SLC24A4: variants seen among roughly 807,000 people sequenced by gnomAD.
The protein encoded by SLC24A4 is solute carrier family 24 member 4, also known as sodium/potassium/calcium exchanger 4.
A neutral mutation model predicts 79.0 loss-of-function variants in SLC24A4; 53 were observed. That is an observed-to-expected ratio of 0.67 (90% confidence interval 0.54 to 0.84). The LOEUF is 0.84. Ranked by LOEUF, SLC24A4 falls within the 40% of genes least tolerant of loss-of-function variation. The pLI is 0.00. For missense variants in SLC24A4, 731 were observed against 822.0 expected, an observed-to-expected ratio of 0.89 and a Z score of 1.35; for synonymous variants, 323 against 323.8, an observed-to-expected ratio of 1.00 and a Z score of 0.03.
intron 2 of SLC24A4, among the ~76,000 whole-genome samples, chr14:92,410,995 C>T (rs1890679118): frequency 6.6e-6 from 1 of 152,178 alleles, no homozygotes; most frequent in Non-Finnish European, 1.5e-5. Flanking sequence ...ATGTTCTTTC[C>T]ATTAGCATGG....
intron 2 of SLC24A4, among the ~76,000 whole-genome samples, chr14:92,335,525 T>G (rs1885737163): frequency 2.1e-5 from 1 of 46,940 alleles, no homozygotes; most frequent in African/African-American, 9.5e-5. Context: ...CAGCTAATTT[T>G]TGTATTTTTT....
At chr14:92,477,703 C>T (rs1360332013) in intron 12 of SLC24A4, among the ~76,000 whole-genome samples, 1 of 152,076 alleles carries the variant, frequency 6.6e-6, no homozygotes, top group African/African-American at 2.4e-5. Flanking sequence ...AGTCCTCCCA[C>T]CTTGGCCTCC....
At chr14:92,393,376 G>A (rs1016073245) in intron 2 of SLC24A4, among the ~76,000 whole-genome samples, 2 of 152,094 alleles carry the variant, frequency 1.3e-5, no homozygotes, top group Non-Finnish European at 2.9e-5. Context: ...TTGCTGCGTG[G>A]AGGTCCTGGG....
At chr14:92,358,214 G>A (rs987673436) in intron 2 of SLC24A4, among the ~76,000 whole-genome samples, 3 of 151,890 alleles carry the variant, frequency 2.0e-5, no homozygotes, top group Admixed American at 2.0e-4. Context: ...AAGCTGGGCT[G>A]TTCAGATAGG....
At chr14:92,339,758 C>G (rs1352342923) in intron 2 of SLC24A4, among the ~76,000 whole-genome samples, 2 of 152,210 alleles carry the variant, frequency 1.3e-5, no homozygotes, top group Non-Finnish European at 2.9e-5. Context: ...CTGAGCAATT[C>G]TGGGTTTTAG....
At chr14:92,480,572 C>T (rs1895010829) in intron 12 of SLC24A4, among the ~76,000 whole-genome samples, 1 of 151,724 alleles carries the variant, frequency 6.6e-6, no homozygotes, top group East Asian at 1.9e-4. Context: ...GGATTACAGG[C>T]GTGAGCCACC....
chr14:92,403,665 C>T (rs998489473), intron 2 of SLC24A4, among the ~76,000 whole-genome samples: 2 of 151,830 alleles, frequency 1.3e-5, no homozygotes, highest in African/African-American at 4.8e-5. Context: ...GTAACCCGGA[C>T]CTCAGAAATC....
chr14:92,483,802 A>G (rs751296143), intron 13 of SLC24A4: 2 of 1,289,660 alleles, frequency 1.6e-6, no homozygotes, highest in East Asian at 1.1e-4. Context: ...AGCCCCTTAC[A>G]CCCTAGTGGT....
At chr14:92,422,290 A>G (rs1891331056) in intron 2 of SLC24A4, among the ~76,000 whole-genome samples, 1 of 152,218 alleles carries the variant, frequency 6.6e-6, no homozygotes, top group Admixed American at 6.5e-5. Context: ...GTGCCTCGCT[A>G]GTGGAGGTAA....
chr14:92,337,116 G>A (rs80324006), intron 2 of SLC24A4, among the ~76,000 whole-genome samples: 2 of 152,042 alleles, frequency 1.3e-5, no homozygotes, highest in Non-Finnish European at 2.9e-5. Context: ...AACATGGGGA[G>A]GGGGTGGCAG....
At chr14:92,426,310 C>T (rs780963097) in intron 2 of SLC24A4, among the ~76,000 whole-genome samples, 23 of 152,012 alleles carry the variant, frequency 1.5e-4, no homozygotes, top group Non-Finnish European at 3.1e-4. Flanking sequence ...GAAGAGCCAG[C>T]GTGTGTGGAG....
rs1285757191 is a variant in SLC24A4, at chr14:92,343,646, T to TCCTTCCTTCCC, written c.241+17668_241+17669insCCTTCCTTCCC. On this transcript the variant is annotated intron_variant, in intron 2 of 16. Coordinates refer to ENST00000532405, the MANE Select transcript of SLC24A4 (RefSeq NM_153646.4). ...TTTCTTTCTTTCTTTCTTTCTCTCT[T>TCCTTCCTTCCC]TCCTTCTTTCCTTCCTTCCTTCCTT... is the stretch of plus-strand genomic sequence containing the variant. Among the ~76,000 whole-genome samples, 31 of 136,186 alleles carry TCCTTCCTTCCC rather than the reference T, an allele frequency of 2.3e-4. No individual in the cohort carries two copies. In the South Asian group the frequency reaches 2.4e-3, roughly 10 times the overall value. The allele number at this position is 136,186 out of a possible 152,430, so 89.3% of individuals were successfully genotyped here.
At chr14:92,372,589 T>C (rs1361983183) in intron 2 of SLC24A4, among the ~76,000 whole-genome samples, 3 of 152,146 alleles carry the variant, frequency 2.0e-5, no homozygotes, top group African/African-American at 7.2e-5. Flanking sequence ...TCAGGGAGTA[T>C]GGGTTGCAGA....
chr14:92,491,513 G>C, intron 14 of SLC24A4, 152 bp from the exon 15 acceptor site: 2 of 611,550 alleles, frequency 3.3e-6, no homozygotes, highest in South Asian at 3.9e-5. Context: ...GAAGGGCATG[G>C]ATCTGAGGCC....
intron 16 of SLC24A4, chr14:92,492,730 G>C: frequency 2.5e-6 from 1 of 404,116 alleles, no homozygotes. Flanking sequence ...GGGCTCAGGG[G>C]TTAACTTTCC....
chr14:92,334,360 C>A (rs1277320440), intron 2 of SLC24A4, among the ~76,000 whole-genome samples: 1 of 152,116 alleles, frequency 6.6e-6, no homozygotes, highest in Non-Finnish European at 1.5e-5. Flanking sequence ...CTGGCACAGC[C>A]ACCAATGTGA....
chr14:92,392,514 G>A (rs923105558), intron 2 of SLC24A4, among the ~76,000 whole-genome samples: 1 of 152,022 alleles, frequency 6.6e-6, no homozygotes, highest in African/African-American at 2.4e-5. Context: ...TCTCTGCATC[G>A]TGGCGGCTAG....
rs77539581 is a variant in SLC24A4 at position 92,346,520 on chromosome 14, G to T, written c.241+20542G>T. 5.8e-4 allele frequency among the ~76,000 whole-genome samples: 88 copies of T among 152,326 alleles called. No homozygotes were observed. In the East Asian group the frequency reaches 0.015, roughly 27 times the overall value. On this transcript the variant is annotated intron_variant, in intron 2 of 16. Coordinates refer to ENST00000532405, the MANE Select transcript of SLC24A4 (RefSeq NM_153646.4). ...ATAACACGTTGGGATGAGATCTGAG[G>T]TCATAAGCGAGGGATAGATCATTGT... is the stretch of plus-strand genomic sequence containing the variant.
intron 12 of SLC24A4, among the ~76,000 whole-genome samples, chr14:92,467,663 G>T (rs980063173): frequency 1.3e-5 from 2 of 152,158 alleles, no homozygotes; most frequent in African/African-American, 2.4e-5. Flanking sequence ...TTGCCCTCCA[G>T]CCAGGCCAGT....
Sources: allele counts gnomAD v4.1 joint callset (sites outside exome capture counted in the v4.1 genomes callset), GRCh38; gene constraint gnomAD v4.1.1; transcripts MANE v1.5; gene names NCBI Gene and HGNC (gene_info 2026-07-23, HGNC 2026-07-21).